FTO: variants seen among roughly 807,000 people sequenced by gnomAD.
FTO encodes the protein FTO alpha-ketoglutarate dependent dioxygenase.
In FTO, 47 loss-of-function variants were observed where a neutral mutation model predicts 63.9. That is an observed-to-expected ratio of 0.74 (90% CI 0.58 to 0.94). FTO has a LOEUF of 0.94. Among genes scored for constraint, FTO ranks in the 40% least tolerant of loss-of-function variants. The pLI, the probability that FTO is intolerant of heterozygous loss-of-function variation, is 0.00. For missense variants in FTO, 562 were observed against 618.1 expected (o/e 0.91, Z 0.96); for synonymous variants, 207 against 224.4 (o/e 0.92, Z 0.69).
intron 8 of FTO, among the ~76,000 whole-genome samples, chr16:53,946,634 T>C (rs1019271830): frequency 6.6e-6 from 1 of 152,172 alleles, no homozygotes; most frequent in African/African-American, 2.4e-5. Context: ...AAGTCATATC[T>C]ACAAGGAAGG....
chr16:54,040,473 C>A (rs1269508245), intron 8 of FTO: 3 of 152,158 alleles, frequency 2.0e-5, no homozygotes, highest in Non-Finnish European at 4.4e-5. Flanking sequence ...TTTTCAAGTT[C>A]TCTTGGAGCT....
intron 1 of FTO, among the ~76,000 whole-genome samples, chr16:53,714,006 G>C (rs1244105800): frequency 6.6e-6 from 1 of 152,076 alleles, no homozygotes; most frequent in African/African-American, 2.4e-5. Flanking sequence ...TATTTACTCT[G>C]TAGTTTTGGA....
At chr16:53,814,792 T>G (rs2078627804) in intron 2 of FTO, 1 of 152,200 alleles carries the variant, frequency 6.6e-6, no homozygotes, top group Non-Finnish European at 1.5e-5. Context: ...TGATTCATAT[T>G]CATTAAGTTA....
At chr16:54,034,448 T>C (rs1279628646) in intron 8 of FTO, among the ~76,000 whole-genome samples, 1 of 152,160 alleles carries the variant, frequency 6.6e-6, no homozygotes, top group African/African-American at 2.4e-5. Context: ...TTGGCATGAG[T>C]ACATTGGAAT....
At chr16:53,777,663 G>T (rs1235663292) in intron 1 of FTO, among the ~76,000 whole-genome samples, 1 of 152,162 alleles carries the variant, frequency 6.6e-6, no homozygotes, top group African/African-American at 2.4e-5. Context: ...ACACTCATCA[G>T]TATCACCACT....
At chr16:53,988,032 T>G (rs2083712973) in intron 8 of FTO, among the ~76,000 whole-genome samples, 1 of 152,184 alleles carries the variant, frequency 6.6e-6, no homozygotes, top group Admixed American at 6.5e-5. Flanking sequence ...TGGGAACCAT[T>G]GCCTCCCTTA....
intron 4 of FTO, among the ~76,000 whole-genome samples, chr16:53,859,105 G>A (rs2080096064): frequency 6.6e-6 from 1 of 152,212 alleles, no homozygotes; most frequent in Non-Finnish European, 1.5e-5. Flanking sequence ...AAGGGAGAGA[G>A]GTTAGATTGA....
intron 7 of FTO, among the ~76,000 whole-genome samples, chr16:53,918,794 C>G (rs2151952152): frequency 1.3e-5 from 2 of 152,284 alleles, no homozygotes; most frequent in Middle Eastern, 3.4e-3. Flanking sequence ...TATCACATGG[C>G]AGTTTACCTT....
chr16:53,721,817 C>G (rs960720431), intron 1 of FTO, among the ~76,000 whole-genome samples: 1 of 152,130 alleles, frequency 6.6e-6, no homozygotes, highest in Non-Finnish European at 1.5e-5. Flanking sequence ...GCAATGTGCT[C>G]CTGTCACCCT....
intron 8 of FTO, among the ~76,000 whole-genome samples, chr16:54,083,709 C>T (rs1429019645): frequency 6.6e-6 from 1 of 152,152 alleles, no homozygotes; most frequent in African/African-American, 2.4e-5. Flanking sequence ...TGAGAACAGA[C>T]CAACACCAAC....
At chr16:53,770,888 C>T (rs2077318038) in intron 1 of FTO, among the ~76,000 whole-genome samples, 1 of 152,130 alleles carries the variant, frequency 6.6e-6, no homozygotes, top group Admixed American at 6.6e-5. Context: ...ACTCAAGGCA[C>T]TTCTGAATGG....
chr16:53,842,799 G>T lies in FTO; in HGVS notation c.752-1356G>T, dbSNP rs144122759. Among the ~76,000 whole-genome samples the T allele has an allele frequency of 2.7e-3, 413 of 152,172 alleles. 17 individuals carry two copies. The East Asian group carries it at 0.065, about 24-fold the overall frequency. On this transcript the variant is annotated intron_variant, in intron 3 of 8. Transcript: ENST00000471389. ...AGCAATCCTCCCACCTCAGCCTCCT[G>T]AGTAGCTGGAGCCACAGGCACGTGC... is the stretch of plus-strand genomic sequence containing the variant.
rs142201161 is a variant in FTO, at chr16:54,073,740, C to T, written c.1365-38022C>T. Among the ~76,000 whole-genome samples, 900 of 152,084 alleles carry T rather than the reference C, an allele frequency of 5.9e-3. 8 individuals are homozygous for T. The highest frequency in any genetic ancestry group is 0.02 in the African/African-American group (830 of 41,482). On this transcript the variant is annotated intron_variant, in intron 8 of 8. Coordinates refer to ENST00000471389, the MANE Select transcript of FTO (RefSeq NM_001080432.3). Reference sequence around the variant, plus strand: ...TGGGATTACAAGCATGTGCATTGCACCCAGCCCAGGAACTCTTCTTTCTAA... The same window carrying T: ...TGGGATTACAAGCATGTGCATTGCATCCAGCCCAGGAACTCTTCTTTCTAA...
chr16:53,911,465 G>C, intron 7 of FTO: 1 of 703,096 alleles, frequency 1.4e-6, no homozygotes, highest in Non-Finnish European at 2.6e-6. Context: ...ATTCATCATG[G>C]GAAGAATTTC....
rs549710711 is a variant in FTO at position 54,066,919 on chromosome 16, G to C, written c.1365-44843G>C. Among the ~76,000 whole-genome samples, 116 of 152,334 alleles carry C rather than the reference G, an allele frequency of 7.6e-4. 1 individual carries two copies. Among genetic ancestry groups the C allele is most frequent in the Non-Finnish European group, 1.2e-4 (8 of 68,034 alleles). ...CAGCCAAGTATGCTGCATTTGCAAA[G>C]GTCAGGCTTTAATTACATGCACAGT... On this transcript the variant is annotated intron_variant, in intron 8 of 8. Transcript: ENST00000471389.
chr16:53,982,082 A>C (rs1283056263), intron 8 of FTO, among the ~76,000 whole-genome samples: 1 of 151,514 alleles, frequency 6.6e-6, no homozygotes, highest in Non-Finnish European at 1.5e-5. Flanking sequence ...TCTGTTAAAA[A>C]AAAAAACAAA....
At chr16:53,852,525 A>G (rs1277486410) in intron 4 of FTO, among the ~76,000 whole-genome samples, 1 of 152,174 alleles carries the variant, frequency 6.6e-6, no homozygotes, top group Non-Finnish European at 1.5e-5. Context: ...CAGATCTGTA[A>G]TTTTGATAAG....
At chr16:53,719,983 A>G (rs2075999339) in intron 1 of FTO, among the ~76,000 whole-genome samples, 1 of 152,048 alleles carries the variant, frequency 6.6e-6, no homozygotes, top group African/African-American at 2.4e-5. Context: ...CTTGAACACA[A>G]TAGGTACTGA....
chr16:53,854,351 TTTGGGGTCCTA>T (rs2079911105), intron 4 of FTO, among the ~76,000 whole-genome samples: 1 of 152,186 alleles, frequency 6.6e-6, no homozygotes, highest in African/African-American at 2.4e-5. Context: ...TGCATTTGCT[TTTGGGGTCCTA>T]TTCATAAATT....
Sources: allele counts gnomAD v4.1 joint callset (sites outside exome capture counted in the v4.1 genomes callset), GRCh38; gene constraint gnomAD v4.1.1; transcripts MANE v1.5; gene names NCBI Gene and HGNC (gene_info 2026-07-23, HGNC 2026-07-21).